NPL: variants seen among roughly 807,000 people sequenced by gnomAD.
NPL encodes the protein N-acetylneuraminate pyruvate lyase, also known as N-acetylneuraminate lyase.
In NPL, 32 loss-of-function variants were observed where a neutral mutation model predicts 41.1. The ratio of observed to expected loss-of-function variants is 0.78; its 90% confidence interval spans 0.59 to 1.05. The LOEUF (loss-of-function observed/expected upper bound fraction) is 1.05, where lower values mean the gene tolerates loss of function less well. NPL is among the 50% of genes least tolerant of loss of function. The probability of loss-of-function intolerance (pLI) is 0.00; values close to 1 mark genes in which losing one functional copy is unlikely to be tolerated. For synonymous variants in NPL, 128 were observed against 134.9 expected (o/e 0.95, Z 0.35); for missense variants, 321 against 378.4 (o/e 0.85, Z 1.26).
rs150105454 is a variant in NPL, at chr1:182,818,834, A to G, written c.628A>G (p.Met210Val). ...TTAGCAACTGTTGAGTGCTCTGGTG[A>G]TGGGAGCAACTGGAGCAGTGGGCAG... ...VDEQLLSALVMGATGAVGSTY... is the reference protein window; with the variant it reads ...VDEQLLSALVVGATGAVGSTY... The change falls in exon 10 of 13, where the codon ATG (methionine) becomes GTG (valine). Residue 210 changes from methionine (M) to valine (V), a missense_variant. Transcript: ENST00000367553. 2.5e-6 allele frequency: 4 copies of G among 1,614,110 alleles called. No individual in the cohort carries two copies. Among genetic ancestry groups the G allele is most frequent in the Non-Finnish European group, 3.4e-6 (4 of 1,180,002 alleles).
chr1:182,797,796 G>C lies in NPL; in HGVS notation c.68+3357G>C, dbSNP rs1666717954. 2.0e-5 allele frequency among the ~76,000 whole-genome samples: 3 copies of C among 151,368 alleles called. No individual in the cohort carries two copies. In the South Asian group the frequency reaches 6.3e-4, roughly 32 times the overall value. ...TTATTACAATAACTTTTTGTTACTT[G>C]TCTATGTCTTCCAGCAGGCTTTGAG... On this transcript the variant is annotated intron_variant, in intron 3 of 12. Transcript: ENST00000367553.
At chr1:182,798,388 C>T (rs1048490207) in intron 3 of NPL, among the ~76,000 whole-genome samples, 14 of 151,976 alleles carry the variant, frequency 9.2e-5, no homozygotes, top group East Asian at 1.9e-4. Flanking sequence ...CCACCCTGCC[C>T]GGCTAATTTT....
At chr1:182,812,287 T>C in intron 6 of NPL, 74 bp downstream of exon 6, 1 of 1,285,250 alleles carries the variant, frequency 7.8e-7, no homozygotes, top group East Asian at 2.3e-5. Flanking sequence ...AAATCAGTAC[T>C]ATATTTGCTA....
chr1:182,793,916 T>C (rs1267168919), intron 2 of NPL, among the ~76,000 whole-genome samples: 1 of 149,100 alleles, frequency 6.7e-6, no homozygotes, highest in Non-Finnish European at 1.5e-5. Context: ...AATTCTCATA[T>C]GCCAGGCTTG....
In NPL at chr1:182,829,520, A is replaced by G; in HGVS notation, c.*612A>G. 6.6e-7 allele frequency: 1 copy of G among 1,513,722 alleles called. No individual in the cohort carries two copies. Among genetic ancestry groups the G allele is most frequent in the South Asian group, 1.2e-5 (1 of 80,926 alleles). The allele number at this position is 1,513,722 out of a possible 1,614,324, so 93.8% of individuals were successfully genotyped here. A position where few individuals can be genotyped will look rare whatever the true frequency, so the allele number is the denominator to read the frequency against. ...GTGAGGACTTGTTTCAGTTCCTATA[A>G]CTAAGTAAAGGGCGGCTTTCTCATA... is the stretch of plus-strand genomic sequence containing the variant. On this transcript the variant is annotated 3_prime_UTR_variant, in exon 13 of 13. Coordinates refer to ENST00000367553, the MANE Select transcript of NPL (RefSeq NM_030769.3).
chr1:182,805,787 A>C (rs947702056), intron 4 of NPL, among the ~76,000 whole-genome samples: 6 of 152,234 alleles, frequency 3.9e-5, no homozygotes, highest in Admixed American at 3.9e-4. Flanking sequence ...CTTATTTGAC[A>C]TCCTGGTACT....
chr1:182,791,380 GT>G (rs1386088440), intron 1 of NPL: 2 of 152,152 alleles, frequency 1.3e-5, no homozygotes, highest in African/African-American at 4.8e-5. Context: ...CAAACAGTTT[GT>G]TCAGCTGGGC....
intron 5 of NPL, chr1:182,809,353 A>G (rs971853341): frequency 1.3e-5 from 4 of 299,810 alleles, no homozygotes; most frequent in Non-Finnish European, 2.0e-5. Context: ...AACCTGGCCA[A>G]CCTGACAAAA....
Position 182,812,217 on chromosome 1 carries a change from T to C in NPL, c.288+4T>C, listed in dbSNP as rs777315527. On this transcript the variant is annotated splice_donor_region_variant and intron_variant, in intron 6 of 12. Transcript: ENST00000367553. ...CTTGAAGGAGTCACAGGAACTGGTA[T>C]GTATGCAGTTCCATCTGGGAGAGAC... 48 of 1,611,568 alleles carry C rather than the reference T, an allele frequency of 3.0e-5. No homozygotes were observed. Among genetic ancestry groups the C allele is most frequent in the Non-Finnish European group, 3.9e-5 (46 of 1,177,786 alleles).
chr1:182,812,222 G>T lies in NPL; in HGVS notation c.288+9G>T. ...AGGAGTCACAGGAACTGGTATGTAT[G>T]CAGTTCCATCTGGGAGAGACCATTC... is the stretch of plus-strand genomic sequence containing the variant. On this transcript the variant is annotated intron_variant, in intron 6 of 12. Transcript: ENST00000367553. 4 of 1,610,438 alleles carry T rather than the reference G, an allele frequency of 2.5e-6. No individual in the cohort carries two copies. The highest frequency in any genetic ancestry group is 1.7e-6 in the Non-Finnish European group (2 of 1,176,642).
chr1:182,809,116 CA>C, intron 5 of NPL: 1 of 314,038 alleles, frequency 3.2e-6, no homozygotes, highest in Non-Finnish European at 6.4e-6. Flanking sequence ...TTACAATTTA[CA>C]TTGGGTTTTA....
chr1:182,821,563 T>C (rs146854499), intron 10 of NPL, among the ~76,000 whole-genome samples: 4,886 of 152,330 alleles, frequency 0.032, 90 homozygotes, highest in Admixed American at 0.052. Context: ...ACATGATTTA[T>C]GTCAAGCACC....
chr1:182,801,617 A>C (rs1435597305), intron 3 of NPL, among the ~76,000 whole-genome samples: 1 of 152,154 alleles, frequency 6.6e-6, no homozygotes, highest in Non-Finnish European at 1.5e-5. Flanking sequence ...TGGGAGGCTA[A>C]GGCAGGAGGA....
chr1:182,815,250 T>G (rs1238627815), intron 7 of NPL, among the ~76,000 whole-genome samples: 3 of 152,212 alleles, frequency 2.0e-5, no homozygotes, highest in African/African-American at 7.2e-5. Flanking sequence ...CAAGGTTGAG[T>G]GAATGATGAA....
intron 8 of NPL, 124 bp downstream of exon 8, chr1:182,816,930 C>A: frequency 5.5e-6 from 4 of 731,360 alleles, no homozygotes; most frequent in Middle Eastern, 4.6e-4. Context: ...ACTGACTGGG[C>A]AGTTCCAGTT....
rs115839762 is a variant in NPL, at chr1:182,804,694, T to A, written c.142+923T>A. Among the ~76,000 whole-genome samples the A allele has an allele frequency of 4.4e-3, 667 of 152,278 alleles. 8 individuals carry two copies. The highest frequency in any genetic ancestry group is 0.015 in the African/African-American group (637 of 41,546). On this transcript the variant is annotated intron_variant, in intron 4 of 12. Transcript: ENST00000367553. ...ATTTTTATTCTGAGAACACTACACC[T>A]TGGTCCTGACCTACTGCTCTACCAA... is the stretch of plus-strand genomic sequence containing the variant.
In NPL at chr1:182,828,764, C is replaced by T; in HGVS notation, c.819C>T (p.Val273=). The T allele has an allele frequency of 6.2e-7, 1 of 1,614,160 alleles. No individual in the cohort carries two copies. Among genetic ancestry groups the T allele is most frequent in the Non-Finnish European group, 8.5e-7 (1 of 1,180,030 alleles). Residue 273 remains valine, a synonymous_variant, in exon 13 of 13, where the codon GTC becomes GTT. Transcript: ENST00000367553. The surrounding 1 kb of genome is among the most constrained non-coding windows in gnomAD (Gnocchi z 4.0). ...AGACCAAAGCCATCATGACTCTGGT[C>T]TCTGGGATTCCAATGGGCCCACCCC... ...VSQTKAIMTL[V]SGIPMGPPRL...
At chr1:182,791,112 T>C (rs1283069740) in intron 1 of NPL, 1 of 152,146 alleles carries the variant, frequency 6.6e-6, no homozygotes, top group Non-Finnish European at 1.5e-5. Context: ...ATAACTCTGA[T>C]GTAAGGTTTT....
rs985588639 is a variant in NPL, at chr1:182,795,567, T to G, written c.68+1128T>G. Among the ~76,000 whole-genome samples the G allele has an allele frequency of 2.6e-5, 4 of 152,214 alleles. No individual in the cohort carries two copies. In the South Asian group the frequency reaches 6.2e-4, roughly 24 times the overall value. ...TCCTTCAAAGTTGGCCATTTTGCAGTTCTACCTTAGAGACTCTCCAATGAG... is the reference window on the plus strand; with the variant it reads ...TCCTTCAAAGTTGGCCATTTTGCAGGTCTACCTTAGAGACTCTCCAATGAG... On this transcript the variant is annotated intron_variant, in intron 3 of 12. Transcript: ENST00000367553.
Sources: gnomAD v4.1 joint callset for allele counts (sites outside exome capture counted in the v4.1 genomes callset) on GRCh38, gnomAD v4.1.1 for gene constraint, Gnocchi (gnomAD v3.1) non-coding constraint, MANE v1.5 for transcripts, NCBI Gene and HGNC (gene_info 2026-07-23, HGNC 2026-07-21) for gene names.